Variants in ESS2 observed in about 807,000 individuals in gnomAD.
ESS2 encodes splicing factor ESS-2 homolog.
In ESS2, 31 loss-of-function variants were observed where a neutral mutation model predicts 52.0. The observed-to-expected ratio is 0.60, with a 90% CI of 0.45 to 0.81. The LOEUF (loss-of-function observed/expected upper bound fraction) is 0.81, where lower values mean the gene tolerates loss of function less well. Ranked by LOEUF, ESS2 falls within the 30% of genes least tolerant of loss-of-function variation. The pLI, the probability that ESS2 is intolerant of heterozygous loss-of-function variation, is 0.00. For synonymous variants in ESS2, 285 were observed against 259.2 expected (o/e 1.10, Z -0.95); for missense variants, 602 against 637.2 (o/e 0.94, Z 0.59).
rs187169450 is a variant in ESS2, at chr22:19,133,712, A to C, written c.*484T>G. 6.5e-6 allele frequency: 1 copy of C among 154,380 alleles called. No individual in the cohort carries two copies. The highest frequency in any genetic ancestry group is 1.9e-4 in the East Asian group (1 of 5,230). 9.6% of individuals were successfully genotyped at this position (154,380 alleles called of 1,614,324 possible). On this transcript the variant is annotated 3_prime_UTR_variant, in exon 10 of 10. Coordinates refer to ENST00000252137, the MANE Select transcript of ESS2 (RefSeq NM_022719.3). ...CTCCGTTTCTCCTTCATATCCCCCC[A>C]GAGAAGCAGAAAGCACTGCAGGATG...
chr22:19,137,492 C>T (rs2083604660), intron 7 of ESS2, 60 bp from the exon 8 acceptor site: 2 of 1,292,868 alleles, frequency 1.5e-6, no homozygotes, highest in Non-Finnish European at 2.2e-6. Flanking sequence ...CCCTCCCCTC[C>T]AGTCACAGCT....
rs756444543 is a variant in ESS2 at position 19,132,313 on chromosome 22, T to C, written c.*1883A>G. On this transcript the variant is annotated 3_prime_UTR_variant, in exon 10 of 10. Coordinates refer to ENST00000252137, the MANE Select transcript of ESS2 (RefSeq NM_022719.3). The surrounding 1 kb of genome is among the most constrained non-coding windows in gnomAD (Gnocchi z 4.2). ...TGCAAACTGGACACCAAGACAGGCT[T>C]GAGGCCCGACCACCGGCCCGACCAC... 1.4e-5 allele frequency: 22 copies of C among 1,611,530 alleles called. No individual in the cohort carries two copies. The South Asian group carries it at 2.0e-4, about 14-fold the overall frequency.
In ESS2 at chr22:19,131,627, C is replaced by T. The variant is rs150544486; in HGVS notation, c.*2569G>A. The T allele has an allele frequency of 4.6e-5, 75 of 1,614,026 alleles. No homozygotes were observed. The highest frequency in any genetic ancestry group is 5.5e-5 in the Non-Finnish European group (65 of 1,180,036). ...ACCACGGCTCCATCATCAAGACTTA[C>T]GAGATCTTTGAGACCTCTGACGGAC... On this transcript the variant is annotated 3_prime_UTR_variant, in exon 10 of 10. Transcript: ENST00000252137. This position sits in a 1 kb window ranked among gnomAD's most constrained non-coding sequence, Gnocchi z 5.7.
chr22:19,144,546 G>A lies in ESS2; in HGVS notation c.95C>T (p.Thr32Met). 2 of 1,608,870 alleles carry A rather than the reference G, an allele frequency of 1.2e-6. No individual in the cohort carries two copies. Among genetic ancestry groups the A allele is most frequent in the Non-Finnish European group, 1.7e-6 (2 of 1,177,916 alleles). ...KREAGEAGAA[T>M]SKQRVLDEEE... Reference sequence around the variant, plus strand: ...CTCGTCCAGGACCCGCTGCTTGCTCGTCGCAGCCCCAGCCTCTCCCGCCTC... The same window carrying A: ...CTCGTCCAGGACCCGCTGCTTGCTCATCGCAGCCCCAGCCTCTCCCGCCTC... Residue 32 changes from threonine to methionine, a missense_variant, in exon 1 of 10, where the codon ACG (threonine) becomes ATG (methionine). By Grantham distance (81) the Thr-to-Met change is moderately conservative. Coordinates refer to ENST00000252137, the MANE Select transcript of ESS2 (RefSeq NM_022719.3).
intron 3 of ESS2, 145 bp downstream of exon 3, chr22:19,142,393 T>C: frequency 2.7e-6 from 2 of 735,060 alleles, no homozygotes; most frequent in Non-Finnish European, 4.5e-6. Flanking sequence ...CCAATGTCCT[T>C]TGACTTCACA....
At position 19,131,310 on chromosome 22, in the gene ESS2, A is replaced by G; in HGVS notation, c.*2886T>C. Reference sequence around the variant, plus strand: ...GCCCAGCCCAGGGCAGCCCAGCCAGACGCCTCCGGTAGTGTAAATGAGGAC... The same window carrying G: ...GCCCAGCCCAGGGCAGCCCAGCCAGGCGCCTCCGGTAGTGTAAATGAGGAC... On this transcript the variant is annotated 3_prime_UTR_variant, in exon 10 of 10. Transcript: ENST00000252137. The surrounding 1 kb of genome is among the most constrained non-coding windows in gnomAD (Gnocchi z 5.7). 1 of 1,201,156 alleles carries G rather than the reference A, an allele frequency of 8.3e-7. No individual in the cohort carries two copies. The highest frequency in any genetic ancestry group is 1.2e-6 in the Non-Finnish European group (1 of 846,916). 74.4% of individuals were successfully genotyped at this position (1,201,156 alleles called of 1,614,324 possible).
intron 5 of ESS2, 150 bp from the exon 6 acceptor site, chr22:19,139,442 A>G: frequency 7.6e-7 from 1 of 1,311,426 alleles, no homozygotes; most frequent in South Asian, 1.4e-5. Context: ...GGTCTCACTC[A>G]CTGCTGACCT....
At chr22:19,144,471 C>T (rs556694298) in intron 1 of ESS2, 35 bp downstream of exon 1, 3 of 1,611,354 alleles carry the variant, frequency 1.9e-6, no homozygotes, top group South Asian at 1.1e-5. Context: ...AGAGGATGGG[C>T]CCAGAAGTCG....
chr22:19,134,156 G>A lies in ESS2; in HGVS notation c.*40C>T, dbSNP rs1457687796. 1.4e-6 allele frequency: 2 copies of A among 1,475,558 alleles called. No individual in the cohort carries two copies. Among genetic ancestry groups the A allele is most frequent in the Non-Finnish European group, 1.8e-6 (2 of 1,113,504 alleles). The allele number at this position is 1,475,558 out of a possible 1,614,324, so 91.4% of individuals were successfully genotyped here. A position where few individuals can be genotyped will look rare whatever the true frequency, so the allele number is the denominator to read the frequency against. ...CTGCTGGGTGTACAGCTGCCCTGCA[G>A]GCTCTGTGAAGCGTCTATGAGCCCA... On this transcript the variant is annotated 3_prime_UTR_variant, in exon 10 of 10. Coordinates refer to ENST00000252137, the MANE Select transcript of ESS2 (RefSeq NM_022719.3).
At chr22:19,138,899 C>T (rs1484807570) in intron 6 of ESS2, among the ~76,000 whole-genome samples, 2 of 152,202 alleles carry the variant, frequency 1.3e-5, no homozygotes, top group Admixed American at 6.5e-5. Context: ...TGGGCTCACT[C>T]CCAGCAGTCC....
chr22:19,137,605 A>C, intron 7 of ESS2, 173 bp from the exon 8 acceptor site: 1 of 590,930 alleles, frequency 1.7e-6, no homozygotes, highest in Non-Finnish European at 2.1e-6. Flanking sequence ...CCGAAAGGGA[A>C]ATGCCAAGCT....
intron 8 of ESS2, 46 bp downstream of exon 8, chr22:19,137,277 G>C (rs1439448145): frequency 7.1e-7 from 1 of 1,409,756 alleles, no homozygotes; most frequent in South Asian, 1.2e-5. Context: ...GGGCTCCAGA[G>C]GTGTCCACCC....
chr22:19,144,621 G>C lies in ESS2; in HGVS notation c.20C>G (p.Ser7Ter). The stretch of plus-strand genomic sequence containing the variant: ...GGCGGGAAGCAACAAGGACGACGCT[G>C]ATGCGCCCGGCGTCTCCATCGCTAT... METPGA[S>*]ASSLLLPAAS... is the part of the protein sequence containing the mutation. The change falls in exon 1 of 10, where the codon TCA (serine) becomes TGA (stop). Residue 7 changes from serine to a stop codon, truncating the protein, a stop_gained. Coordinates refer to ENST00000252137, the MANE Select transcript of ESS2 (RefSeq NM_022719.3). LOFTEE classifies it high-confidence loss of function. The C allele has an allele frequency of 2.6e-6, 4 of 1,543,048 alleles. No individual in the cohort carries two copies. The highest frequency in any genetic ancestry group is 2.6e-6 in the Non-Finnish European group (3 of 1,141,954).
chr22:19,138,093 G>A, intron 7 of ESS2, 122 bp downstream of exon 7: 1 of 1,522,202 alleles, frequency 6.6e-7, no homozygotes, highest in Non-Finnish European at 8.8e-7. Context: ...CCAGGTCCCT[G>A]AGTTACACAA....
At chr22:19,137,176 T>A in intron 8 of ESS2, 147 bp downstream of exon 8, 1 of 640,072 alleles carries the variant, frequency 1.6e-6, no homozygotes, top group Non-Finnish European at 2.7e-6. Context: ...CACACCTGCC[T>A]TCAGCACCCT....
In ESS2 at chr22:19,132,829, T is replaced by A; in HGVS notation, c.*1367A>T. ...GTACAGGCAGAATCACAGTGTGGCC[T>A]GGCCTTGTGGGGGACAAGAGGGCCT... is the stretch of plus-strand genomic sequence containing the variant. On this transcript the variant is annotated 3_prime_UTR_variant, in exon 10 of 10. Transcript: ENST00000252137. This position sits in a 1 kb window ranked among gnomAD's most constrained non-coding sequence, Gnocchi z 4.2. The A allele has an allele frequency of 8.2e-6, 2 of 244,540 alleles. 1 individual carries two copies. Among genetic ancestry groups the A allele is most frequent in the South Asian group, 1.1e-4 (2 of 17,814 alleles). The allele number at this position is 244,540 out of a possible 1,614,324, so 15.1% of individuals were successfully genotyped here. A position where few individuals can be genotyped will look rare whatever the true frequency, so the allele number is the denominator to read the frequency against.
chr22:19,131,790 G>A lies in ESS2; in HGVS notation c.*2406C>T. Reference sequence around the variant, plus strand: ...CGCCGTCAAGTACTGCCACGACCTGGACATCGTCCACCGGGACCTCAAGTG... The same window carrying A: ...CGCCGTCAAGTACTGCCACGACCTGAACATCGTCCACCGGGACCTCAAGTG... On this transcript the variant is annotated 3_prime_UTR_variant, in exon 10 of 10. Transcript: ENST00000252137. This position sits in a 1 kb window ranked among gnomAD's most constrained non-coding sequence, Gnocchi z 5.7. 1 of 1,614,186 alleles carries A rather than the reference G, an allele frequency of 6.2e-7. No homozygotes were observed. Among genetic ancestry groups the A allele is most frequent in the Non-Finnish European group, 8.5e-7 (1 of 1,180,040 alleles).
In ESS2 at chr22:19,134,102, G is replaced by C; in HGVS notation, c.*94C>G. ...GGTATGGTCAACAGCTTCTGGCCCAGGCCTGGGCCCCGAGAAGGCTGGAGT... is the reference window on the plus strand; with the variant it reads ...GGTATGGTCAACAGCTTCTGGCCCACGCCTGGGCCCCGAGAAGGCTGGAGT... On this transcript the variant is annotated 3_prime_UTR_variant, in exon 10 of 10. Coordinates refer to ENST00000252137, the MANE Select transcript of ESS2 (RefSeq NM_022719.3). 7.3e-7 allele frequency: 1 copy of C among 1,368,196 alleles called. No individual in the cohort carries two copies. The highest frequency in any genetic ancestry group is 9.5e-7 in the Non-Finnish European group (1 of 1,055,994). 84.8% of individuals were successfully genotyped at this position (1,368,196 alleles called of 1,614,324 possible). A position where few individuals can be genotyped will look rare whatever the true frequency, so the allele number is the denominator to read the frequency against.
Position 19,134,277 on chromosome 22 carries a change from G to C in ESS2, c.1350C>G (p.Thr450=), listed in dbSNP as rs2083541149. The change falls in exon 10 of 10, where the codon ACC becomes ACG. Residue 450 remains threonine, a synonymous_variant. Transcript: ENST00000252137. ...STPAPGSATR[T]PLTQDPASIT... ...TGGAGGCCGGGTCCTGTGTGAGAGG[G>C]GTGCGTGTGGCAGAGCCAGGCGCCG... The C allele has an allele frequency of 3.1e-6, 5 of 1,592,666 alleles. No homozygotes were observed. In the South Asian group the frequency reaches 5.6e-5, roughly 18 times the overall value.
Sources: allele counts gnomAD v4.1 joint callset (sites outside exome capture counted in the v4.1 genomes callset), GRCh38; gene constraint gnomAD v4.1.1; non-coding constraint Gnocchi (gnomAD v3.1); transcripts MANE v1.5; gene names NCBI Gene and HGNC (gene_info 2026-07-23, HGNC 2026-07-21).